NAA35: variants seen among roughly 807,000 people sequenced by gnomAD.
The protein encoded by NAA35 is N-alpha-acetyltransferase 35, NatC auxiliary subunit.
A neutral mutation model predicts 101.7 loss-of-function variants in NAA35; 18 were observed. That is an observed-to-expected ratio of 0.18 (90% CI 0.12 to 0.26). The LOEUF (loss-of-function observed/expected upper bound fraction) is 0.26, where lower values mean the gene tolerates loss of function less well. Ranked by LOEUF, NAA35 falls within the 10% of genes least tolerant of loss-of-function variation. The pLI, the probability that NAA35 is intolerant of heterozygous loss-of-function variation, is 1.00. For missense variants in NAA35, 601 were observed against 886.8 expected, an observed-to-expected ratio of 0.68 and a Z score of 4.09; for synonymous variants, 267 against 273.1, an observed-to-expected ratio of 0.98 and a Z score of 0.22.
chr9:85,942,197 G>T lies in NAA35; in HGVS notation c.38G>T (p.Gly13Val). The change falls in exon 2 of 23, where the codon GGA becomes GTA. Residue 13 changes from glycine to valine, a missense_variant. Around this residue, in one of 8 missense-constraint regions of NAA35, gnomAD observed 67 missense variants for 62.4 expected, o/e 1.07. Coordinates refer to ENST00000361671, the MANE Select transcript of NAA35 (RefSeq NM_024635.4). ...MKASVDDDDS[G>V]WELSMPEKME... ...GCTTCTGTAGATGATGACGATTCAG[G>T]ATGGGAGCTCAGTATGCCAGAAAAA... The T allele has an allele frequency of 6.2e-7, 1 of 1,614,178 alleles. No homozygotes were observed. Among genetic ancestry groups the T allele is most frequent in the Non-Finnish European group, 8.5e-7 (1 of 1,180,030 alleles).
At chr9:86,018,197 G>T in intron 19 of NAA35, 58 bp from the exon 20 acceptor site, 3 of 1,490,338 alleles carry the variant, frequency 2.0e-6, no homozygotes, top group South Asian at 1.2e-5. Flanking sequence ...CTGTATTGAT[G>T]AGTGTTCACT....
At chr9:85,976,248 A>G (rs1830206548) in intron 8 of NAA35, among the ~76,000 whole-genome samples, 1 of 152,180 alleles carries the variant, frequency 6.6e-6, no homozygotes, top group African/African-American at 2.4e-5. Context: ...TTGTATTAAG[A>G]AATTGTGTAT....
At chr9:85,941,498 C>T (rs1828511793) in intron 1 of NAA35, 1 of 985,486 alleles carries the variant, frequency 1.0e-6, no homozygotes, top group Non-Finnish European at 1.2e-6. Context: ...CGGACGTGCC[C>T]GCCCTCCCGC....
At chr9:85,999,267 TA>T (rs1564316722) in intron 12 of NAA35, among the ~76,000 whole-genome samples, 1 of 152,236 alleles carries the variant, frequency 6.6e-6, no homozygotes, top group South Asian at 2.1e-4. Context: ...GGAATGAGAA[TA>T]GATATTTTCT....
chr9:86,010,287 A>C (rs993120908), intron 15 of NAA35, among the ~76,000 whole-genome samples: 15 of 151,996 alleles, frequency 9.9e-5, no homozygotes, highest in African/African-American at 3.4e-4. Flanking sequence ...GCTGGACTGC[A>C]ATTCCTTCAG....
At chr9:85,987,531 A>G (rs1027186260) in intron 11 of NAA35, among the ~76,000 whole-genome samples, 1 of 152,186 alleles carries the variant, frequency 6.6e-6, no homozygotes, top group Non-Finnish European at 1.5e-5. Flanking sequence ...TGAGATGTTT[A>G]TTCTTTTAGT....
At chr9:85,942,930 TTC>T (rs1294900461) in intron 2 of NAA35, among the ~76,000 whole-genome samples, 2 of 152,220 alleles carry the variant, frequency 1.3e-5, no homozygotes, top group African/African-American at 4.8e-5. Flanking sequence ...CAACCACTCA[TTC>T]TCTCCTCTGC....
Position 86,009,861 on chromosome 9 carries a change from G to A in NAA35, c.1224-4G>A. 6.2e-7 allele frequency: 1 copy of A among 1,608,268 alleles called. No individual in the cohort carries two copies. The highest frequency in any genetic ancestry group is 1.3e-5 in the African/African-American group (1 of 74,860). On this transcript the variant is annotated splice_polypyrimidine_tract_variant and splice_region_variant and intron_variant, in intron 14 of 22. Transcript: ENST00000361671. The stretch of plus-strand genomic sequence containing the variant: ...ATTTTAATGATGTGACTGTTATCTT[G>A]CAGGTGCTACCTATATAATAATCAC...
At chr9:85,961,134 G>A (rs1829495547) in intron 5 of NAA35, among the ~76,000 whole-genome samples, 1 of 152,190 alleles carries the variant, frequency 6.6e-6, no homozygotes, top group South Asian at 2.1e-4. Context: ...TTAAAAGGCA[G>A]ATGGTTTTTA....
rs183799525 is a variant in NAA35, at chr9:85,991,258, A to G, written c.878-5141A>G. Among the ~76,000 whole-genome samples, 6 of 152,098 alleles carry G rather than the reference A, an allele frequency of 3.9e-5. No individual in the cohort carries two copies. In the East Asian group the frequency reaches 9.7e-4, roughly 25 times the overall value. ...AGTCCAGGCAGGGTAGGCTCATGTT[A>G]ATGGAGCCTGGCAGAGTAGGGTGGT... On this transcript the variant is annotated intron_variant, in intron 11 of 22. Transcript: ENST00000361671.
At chr9:85,957,418 C>T (rs188520231) in intron 3 of NAA35, among the ~76,000 whole-genome samples, 3 of 152,148 alleles carry the variant, frequency 2.0e-5, no homozygotes, top group South Asian at 2.1e-4. Context: ...TCTAGGTGGA[C>T]TCCTGCAATC....
Position 86,024,236 on chromosome 9 carries a change from C to T in NAA35, c.*2276C>T, listed in dbSNP as rs921262636. Among the ~76,000 whole-genome samples the T allele has an allele frequency of 6.6e-6, 1 of 152,168 alleles. No individual in the cohort carries two copies. The highest frequency in any genetic ancestry group is 2.4e-5 in the African/African-American group (1 of 41,438). On this transcript the variant is annotated 3_prime_UTR_variant, in exon 23 of 23. Transcript: ENST00000361671. The stretch of plus-strand genomic sequence containing the variant: ...AACTTTAGGTGACAAATCCCCATCG[C>T]ATCTATTCAGGAGGCACTGCTGGGA...
intron 17 of NAA35, chr9:86,014,533 T>G (rs778638049): frequency 5.8e-6 from 1 of 171,922 alleles, no homozygotes; most frequent in Non-Finnish European, 1.2e-5. Context: ...TTTCTCAGTC[T>G]GGCACATAAT....
At chr9:85,949,811 T>TAAA (rs201303945) in intron 2 of NAA35, among the ~76,000 whole-genome samples, 19 of 143,180 alleles carry the variant, frequency 1.3e-4, no homozygotes, top group Non-Finnish European at 2.8e-4. Flanking sequence ...GAAGTAACTT[T>TAAA]AAAAAAAAAA....
intron 2 of NAA35, among the ~76,000 whole-genome samples, chr9:85,947,603 T>C (rs939508895): frequency 2.0e-5 from 3 of 152,238 alleles, no homozygotes; most frequent in African/African-American, 7.2e-5. Flanking sequence ...TCAAGGGGCA[T>C]TAATGTCTTG....
At chr9:85,941,369 G>C in intron 1 of NAA35, 96 bp downstream of exon 1, 1 of 985,526 alleles carries the variant, frequency 1.0e-6, no homozygotes, top group Non-Finnish European at 1.2e-6. Flanking sequence ...GGGACCCCAG[G>C]TCACCCTGCG....
intron 17 of NAA35, chr9:86,015,486 C>T (rs1189109137): frequency 6.6e-6 from 1 of 152,360 alleles, no homozygotes; most frequent in Non-Finnish European, 1.5e-5. Context: ...TAACATGCAT[C>T]ATAATCACTT....
At chr9:85,947,160 C>T (rs1828805462) in intron 2 of NAA35, among the ~76,000 whole-genome samples, 2 of 152,090 alleles carry the variant, frequency 1.3e-5, no homozygotes, top group African/African-American at 4.8e-5. Context: ...TAATTATGAA[C>T]CACAAGCGTG....
intron 17 of NAA35, among the ~76,000 whole-genome samples, chr9:86,016,019 T>A (rs185557002): frequency 0.037 from 5,638 of 150,402 alleles, 243 homozygotes; most frequent in African/African-American, 0.096. Flanking sequence ...ATATATATTT[T>A]TATATATATA....
Sources: gnomAD v4.1 joint callset for allele counts (sites outside exome capture counted in the v4.1 genomes callset) on GRCh38, gnomAD v4.1.1 for gene constraint, gnomAD v4.1.1 regional missense constraint, MANE v1.5 for transcripts, NCBI Gene and HGNC (gene_info 2026-07-23, HGNC 2026-07-21) for gene names.